CTBS: variants seen among roughly 807,000 people sequenced by gnomAD.
CTBS encodes di-N-acetylchitobiase.
A neutral mutation model predicts 44.3 loss-of-function variants in CTBS; 35 were observed. The observed-to-expected ratio is 0.79, with a 90% CI of 0.60 to 1.05. CTBS has a LOEUF of 1.05. Ranked by LOEUF, CTBS falls within the 50% of genes least tolerant of loss-of-function variation. CTBS has a pLI of 0.00. For synonymous variants in CTBS, 143 were observed against 168.0 expected, an observed-to-expected ratio of 0.85 and a Z score of 1.15; for missense variants, 458 against 475.3, an observed-to-expected ratio of 0.96 and a Z score of 0.34.
At chr1:84,573,813 CTAAAGGTAAGCA>C (rs1647382964) in intron 1 of CTBS, 2 of 912,918 alleles carry the variant, frequency 2.2e-6, no homozygotes, top group East Asian at 2.2e-4. Context: ...GTATAGAAAA[CTAAAGGTAAGCA>C]AAATACTCTG....
chr1:84,574,395 TCGAAGCTGCGGCCGGGACATA>T lies in CTBS; in HGVS notation c.-1_20del. ...GCGGGCTAGAGACGAGGCGCCAGCG[TCGAAGCTGCGGCCGGGACATA>T]GCAGCAGGTCTAGCGGGCCGGAGTG... On this transcript the variant is annotated start_lost and 5_prime_UTR_variant, in exon 1 of 7. Transcript: ENST00000370630. 1 of 1,556,782 alleles carries T rather than the reference TCGAAGCTGCGGCCGGGACATA, an allele frequency of 6.4e-7. No individual in the cohort carries two copies. The highest frequency in any genetic ancestry group is 1.2e-5 in the South Asian group (1 of 85,086).
At chr1:84,565,348 G>A (rs983351287) in intron 4 of CTBS, among the ~76,000 whole-genome samples, 2 of 152,132 alleles carry the variant, frequency 1.3e-5, no homozygotes, top group African/African-American at 4.8e-5. Flanking sequence ...ATTCTAATAG[G>A]AATATAATTT....
Position 84,551,036 on chromosome 1 carries a change from C to G in CTBS, c.*3963G>C. 1 of 985,208 alleles carries G rather than the reference C, an allele frequency of 1.0e-6. No individual in the cohort carries two copies. The highest frequency in any genetic ancestry group is 1.7e-5 in the African/African-American group (1 of 57,296). 61.0% of individuals were successfully genotyped at this position (985,208 alleles called of 1,614,324 possible). ...GTTAACTTTGTTTCTCCCATGGGAC[C>G]TTTTGTATAGCAGATGCTTAGTAGA... On this transcript the variant is annotated 3_prime_UTR_variant, in exon 7 of 7. Coordinates refer to ENST00000370630, the MANE Select transcript of CTBS (RefSeq NM_004388.3).
At chr1:84,557,545 AAAAAAAAAG>A (rs1684474795) in intron 6 of CTBS, among the ~76,000 whole-genome samples, 2 of 129,596 alleles carry the variant, frequency 1.5e-5, no homozygotes, top group African/African-American at 7.5e-5. Flanking sequence ...AAAAAAAAAA[AAAAAAAAAG>A]AAAAAAAAAA....
intron 2 of CTBS, 90 bp from the exon 3 acceptor site, chr1:84,570,229 G>T (rs1647265463): frequency 9.8e-7 from 1 of 1,023,378 alleles, no homozygotes. Context: ...TTTTCCAATG[G>T]AGAAAGAATA....
intron 1 of CTBS, among the ~76,000 whole-genome samples, chr1:84,572,490 T>C (rs1218705123): frequency 6.7e-6 from 1 of 149,312 alleles, no homozygotes; most frequent in Admixed American, 6.7e-5. Context: ...GAAAATGCCA[T>C]GTAGTCTAGT....
chr1:84,564,280 A>C (rs76372694), intron 4 of CTBS, among the ~76,000 whole-genome samples: 8,222 of 152,270 alleles, frequency 0.054, 310 homozygotes, highest in Non-Finnish European at 0.077. Flanking sequence ...TTCTGTAAGT[A>C]AGCTGGGGAT....
chr1:84,557,296 G>A (rs1381243210), intron 6 of CTBS, among the ~76,000 whole-genome samples: 2 of 152,130 alleles, frequency 1.3e-5, no homozygotes, highest in South Asian at 2.1e-4. Flanking sequence ...ATTTTGGGAG[G>A]CCAAGATGGG....
At chr1:84,565,547 A>G (rs147622451) in intron 4 of CTBS, among the ~76,000 whole-genome samples, 179 of 152,340 alleles carry the variant, frequency 1.2e-3, no homozygotes, top group African/African-American at 4.1e-3. Context: ...TACCTGATTA[A>G]GCCCCAACTA....
At chr1:84,566,540 C>T (rs1036238154) in intron 3 of CTBS, among the ~76,000 whole-genome samples, 6 of 152,148 alleles carry the variant, frequency 3.9e-5, no homozygotes, top group South Asian at 2.1e-4. Flanking sequence ...TGGTGTCTTA[C>T]GGCCTACAGG....
rs2102012126 is a variant in CTBS, at chr1:84,553,446, T to C, written c.*1553A>G. ...TAAGAGCTAATATAACTAAAATCTA[T>C]TTGCAAAGAATAAATGTATATTAAT... On this transcript the variant is annotated 3_prime_UTR_variant, in exon 7 of 7. Transcript: ENST00000370630. The C allele has an allele frequency of 6.5e-6, 1 of 153,210 alleles. No individual in the cohort carries two copies. The highest frequency in any genetic ancestry group is 6.5e-5 in the Admixed American group (1 of 15,282). 9.5% of individuals were successfully genotyped at this position (153,210 alleles called of 1,614,324 possible). A position where few individuals can be genotyped will look rare whatever the true frequency, so the allele number is the denominator to read the frequency against.
Position 84,569,781 on chromosome 1 carries a change from C to T in CTBS, c.525+150G>A, listed in dbSNP as rs933668091. ...CTTTAAAATTCCTTAAATAAGAACA[C>T]CAAAGGCTCCAGAAAAATTTTTTAG... is the stretch of plus-strand genomic sequence containing the variant. On this transcript the variant is annotated intron_variant, in intron 3 of 6. Transcript: ENST00000370630. The T allele has an allele frequency of 3.6e-5, 26 of 712,574 alleles. No homozygotes were observed. The South Asian group carries it at 3.7e-4, about 10-fold the overall frequency. The allele number at this position is 712,574 out of a possible 1,614,324, so 44.1% of individuals were successfully genotyped here.
chr1:84,550,540 AT>A lies in CTBS; in HGVS notation c.*4458del. The A allele has an allele frequency of 6.6e-7, 1 of 1,506,702 alleles. No homozygotes were observed. The highest frequency in any genetic ancestry group is 8.9e-7 in the Non-Finnish European group (1 of 1,125,006). The allele number at this position is 1,506,702 out of a possible 1,614,324, so 93.3% of individuals were successfully genotyped here. On this transcript the variant is annotated 3_prime_UTR_variant, in exon 7 of 7. Coordinates refer to ENST00000370630, the MANE Select transcript of CTBS (RefSeq NM_004388.3). ...CATAGTAGAAGTTAAGGTAATTTAC[AT>A]TTTTCCTAATCAGATTATTATAACA...
At chr1:84,573,741 G>A (rs1647381148) in intron 1 of CTBS, among the ~76,000 whole-genome samples, 1 of 152,180 alleles carries the variant, frequency 6.6e-6, no homozygotes, top group African/African-American at 2.4e-5. Flanking sequence ...TGTACTGAAA[G>A]CTATTTTTTT....
chr1:84,563,488 T>C (rs2102025041), intron 5 of CTBS, 70 bp from the exon 6 acceptor site: 3 of 1,091,382 alleles, frequency 2.7e-6, no homozygotes, highest in South Asian at 2.9e-5. Context: ...ACCAAAAATA[T>C]ATAAATTATT....
At position 84,555,236 on chromosome 1, in the gene CTBS, T is replaced by C. The variant is rs199627584; in HGVS notation, c.958-37A>G. 7.7e-5 allele frequency: 116 copies of C among 1,509,344 alleles called. No homozygotes were observed. In the East Asian group the frequency reaches 2.6e-3, roughly 34 times the overall value. The allele number at this position is 1,509,344 out of a possible 1,614,324, so 93.5% of individuals were successfully genotyped here. ...AATTAAAATGGAGATTTTAAAGTAT[T>C]TAGTACAATTCAGCACCACAGGAAA... On this transcript the variant is annotated intron_variant, in intron 6 of 6. Transcript: ENST00000370630.
intron 6 of CTBS, among the ~76,000 whole-genome samples, chr1:84,557,621 C>T (rs1316029773): frequency 1.1e-4 from 16 of 150,150 alleles, no homozygotes; most frequent in Admixed American, 1.1e-3. Context: ...TTTGGGAGGC[C>T]GAGATGGGCA....
In CTBS at chr1:84,569,984, C is replaced by T; in HGVS notation, c.472G>A (p.Ala158Thr). The change falls in exon 3 of 7, where the codon GCT becomes ACT. Residue 158 changes from alanine to threonine, a missense_variant. Physicochemically the swap from Ala to Thr is moderately conservative, Grantham distance 58. Coordinates refer to ENST00000370630, the MANE Select transcript of CTBS (RefSeq NM_004388.3). Reference sequence around the variant, plus strand: ...GAGTCTGTAGTTTCTTTGACTAAAGCAGTTAATGCATCATATTCAGGTGAT... The same window carrying T: ...GAGTCTGTAGTTTCTTTGACTAAAGTAGTTAATGCATCATATTCAGGTGAT... ...CLSPEYDALT[A>T]LVKETTDSFH... 6.2e-7 allele frequency: 1 copy of T among 1,613,160 alleles called. No individual in the cohort carries two copies. Among genetic ancestry groups the T allele is most frequent in the Non-Finnish European group, 8.5e-7 (1 of 1,179,786 alleles).
chr1:84,566,625 T>A (rs1219069324), intron 3 of CTBS, among the ~76,000 whole-genome samples: 3 of 152,190 alleles, frequency 2.0e-5, no homozygotes, highest in Non-Finnish European at 2.9e-5. Context: ...CAAATAAATG[T>A]TGAGTATTAT....
Sources: gnomAD v4.1 joint callset for allele counts (sites outside exome capture counted in the v4.1 genomes callset) on GRCh38, gnomAD v4.1.1 for gene constraint, MANE v1.5 for transcripts, NCBI Gene and HGNC (gene_info 2026-07-23, HGNC 2026-07-21) for gene names.